HPSE2: variants seen among roughly 807,000 people sequenced by gnomAD.
The protein encoded by HPSE2 is inactive heparanase-2.
In HPSE2, 38 loss-of-function variants were observed where a neutral mutation model predicts 60.5. That is an observed-to-expected ratio of 0.63 (90% CI 0.48 to 0.82). HPSE2 has a LOEUF of 0.82. HPSE2 is among the 40% of genes least tolerant of loss of function. The pLI is 0.00. For synonymous variants in HPSE2, 295 were observed against 293.2 expected, an observed-to-expected ratio of 1.01 and a Z score of -0.06; for missense variants, 713 against 740.4, an observed-to-expected ratio of 0.96 and a Z score of 0.43.
At chr10:98,861,799 G>A (rs1035016829) in intron 3 of HPSE2, among the ~76,000 whole-genome samples, 10 of 152,240 alleles carry the variant, frequency 6.6e-5, no homozygotes, top group Admixed American at 2.6e-4. Flanking sequence ...AAAAGGGGAT[G>A]CAGGAAAAAG....
intron 3 of HPSE2, among the ~76,000 whole-genome samples, chr10:98,880,789 T>C (rs1038128633): frequency 1.3e-5 from 2 of 152,040 alleles, no homozygotes; most frequent in Admixed American, 6.6e-5. Flanking sequence ...ATTGGAGGTT[T>C]TTTCCATGTT....
intron 3 of HPSE2, among the ~76,000 whole-genome samples, chr10:99,110,999 G>A (rs989718104): frequency 4.6e-5 from 7 of 152,084 alleles, no homozygotes; most frequent in Non-Finnish European, 8.8e-5. Context: ...AAGATATAAA[G>A]TCTGTTTTCA....
At chr10:99,314,274 C>A in the HPSE2 span, among the ~76,000 whole-genome samples, 1 of 152,174 alleles carries the variant, frequency 6.6e-6, no homozygotes. Context: ...GCCATTCTCC[C>A]ACCTCAGCTT....
Position 98,458,576 on chromosome 10 carries a change from T to A in HPSE2, c.*998A>T, listed in dbSNP as rs17109911. On this transcript the variant is annotated 3_prime_UTR_variant, in exon 12 of 12. Coordinates refer to ENST00000370552, the MANE Select transcript of HPSE2 (RefSeq NM_021828.5). ...TTCCAGTGATGACCTTGATTCACAC[T>A]TTTTTCTTCTTTTTTAAAAATAATG... 6.6e-6 allele frequency: 1 copy of A among 152,202 alleles called. No homozygotes were observed. Among genetic ancestry groups the A allele is most frequent in the Non-Finnish European group, 1.5e-5 (1 of 68,040 alleles). The allele number at this position is 152,202 out of a possible 1,614,324, so 9.4% of individuals were successfully genotyped here. A position where few individuals can be genotyped will look rare whatever the true frequency, so the allele number is the denominator to read the frequency against.
At chr10:98,592,755 C>T (rs1456445635) in intron 9 of HPSE2, among the ~76,000 whole-genome samples, 1 of 152,182 alleles carries the variant, frequency 6.6e-6, no homozygotes, top group Non-Finnish European at 1.5e-5. Flanking sequence ...ACCTCTCTTG[C>T]CCTTCAAATT....
intron 3 of HPSE2, among the ~76,000 whole-genome samples, chr10:98,918,122 T>A (rs193086336): frequency 2.2e-4 from 34 of 152,306 alleles, no homozygotes; most frequent in Non-Finnish European, 3.4e-4. Context: ...ATGGAGAAGA[T>A]TAAGATAAAA....
At chr10:98,585,321 G>A (rs1420532361) in intron 9 of HPSE2, among the ~76,000 whole-genome samples, 2 of 151,240 alleles carry the variant, frequency 1.3e-5, no homozygotes, top group South Asian at 2.1e-4. Flanking sequence ...ACCTAGGCTG[G>A]AGTACAGTGG....
chr10:98,825,756 C>T (rs1951531759), intron 3 of HPSE2, among the ~76,000 whole-genome samples: 1 of 152,172 alleles, frequency 6.6e-6, no homozygotes, highest in Non-Finnish European at 1.5e-5. Flanking sequence ...AAGAAACCTA[C>T]TATGAGAAAA....
intron 7 of HPSE2, among the ~76,000 whole-genome samples, chr10:98,627,186 T>C (rs1049653768): frequency 1.3e-5 from 2 of 152,190 alleles, no homozygotes; most frequent in Admixed American, 1.3e-4. Context: ...TTCAAGGACA[T>C]AGACTCTGTG....
intron 9 of HPSE2, among the ~76,000 whole-genome samples, chr10:98,594,211 G>A (rs1589471074): frequency 6.6e-6 from 1 of 152,106 alleles, no homozygotes; most frequent in South Asian, 2.1e-4. Context: ...ATTAACTAGA[G>A]CTGCCACATT....
chr10:99,313,748 G>A, the HPSE2 span, among the ~76,000 whole-genome samples: 10 of 151,528 alleles, frequency 6.6e-5, no homozygotes, highest in African/African-American at 2.2e-4. Flanking sequence ...TACAGGTGAC[G>A]ACCAGCATGC....
intron 3 of HPSE2, among the ~76,000 whole-genome samples, chr10:99,020,571 T>A (rs1321130232): frequency 6.6e-6 from 1 of 152,210 alleles, no homozygotes; most frequent in Non-Finnish European, 1.5e-5. Flanking sequence ...GTTTTTTACC[T>A]CCTTTTGCAA....
At chr10:98,813,349 A>G (rs2134579740) in intron 3 of HPSE2, among the ~76,000 whole-genome samples, 1 of 152,286 alleles carries the variant, frequency 6.6e-6, no homozygotes, top group South Asian at 2.1e-4. Flanking sequence ...TAAATCCCCT[A>G]GGTAAGAAGG....
At chr10:98,529,815 G>A (rs865805131) in intron 9 of HPSE2, among the ~76,000 whole-genome samples, 1 of 152,156 alleles carries the variant, frequency 6.6e-6, no homozygotes, top group South Asian at 2.1e-4. Context: ...GCTAAATGCT[G>A]TTCTTCCTAA....
chr10:98,683,907 A>G (rs1420826924), intron 6 of HPSE2, among the ~76,000 whole-genome samples: 2 of 152,186 alleles, frequency 1.3e-5, no homozygotes, highest in Non-Finnish European at 2.9e-5. Flanking sequence ...AAGTATCAAG[A>G]CAGAAAAAAA....
At chr10:99,072,349 C>T (rs1205352924) in intron 3 of HPSE2, among the ~76,000 whole-genome samples, 1 of 44,330 alleles carries the variant, frequency 2.3e-5, no homozygotes, top group Non-Finnish European at 9.8e-5. Context: ...AAACTATCAT[C>T]AGAGCAAACA....
intron 2 of HPSE2, among the ~76,000 whole-genome samples, chr10:99,172,892 GAA>G (rs747919442): frequency 6.8e-6 from 1 of 148,032 alleles, no homozygotes; most frequent in Non-Finnish European, 1.5e-5. Context: ...AGAAGAAGAA[GAA>G]AAAGAAGAAA....
intron 3 of HPSE2, among the ~76,000 whole-genome samples, chr10:98,963,290 G>T (rs1955728965): frequency 6.6e-6 from 1 of 152,052 alleles, no homozygotes; most frequent in African/African-American, 2.4e-5. Context: ...AATACAAAAA[G>T]CAAAGGCCAA....
intron 9 of HPSE2, among the ~76,000 whole-genome samples, chr10:98,541,448 G>A (rs1258985416): frequency 1.3e-5 from 2 of 152,144 alleles, no homozygotes; most frequent in Non-Finnish European, 2.9e-5. Context: ...TCTCACTAGG[G>A]AGTGCCAGAC....
Sources: gnomAD v4.1 joint callset for allele counts (sites outside exome capture counted in the v4.1 genomes callset) on GRCh38, gnomAD v4.1.1 for gene constraint, MANE v1.5 for transcripts, NCBI Gene and HGNC (gene_info 2026-07-23, HGNC 2026-07-21) for gene names.